Variants in ADAMTS13 observed in about 807,000 individuals in gnomAD.
ADAMTS13 encodes A disintegrin and metalloproteinase with thrombospondin motifs 13.
In ADAMTS13, 110 loss-of-function variants were observed where a neutral mutation model predicts 155.1. That is an observed-to-expected ratio of 0.71 (90% confidence interval 0.61 to 0.83). ADAMTS13 has a LOEUF of 0.83. Among genes scored for constraint, ADAMTS13 ranks in the 40% least tolerant of loss-of-function variants. The pLI is 0.00. For synonymous variants in ADAMTS13, 758 were observed against 756.4 expected (o/e 1.00, Z -0.03); for missense variants, 1,707 against 1,891.7 (o/e 0.90, Z 1.81).
At chr9:133,422,162 G>T (rs1043037378), upstream of ADAMTS13, 95 of 537,900 alleles carry the variant, frequency 1.8e-4, no homozygotes, top group African/African-American at 1.6e-3. Flanking sequence ...CTCTAAGGGG[G>T]TGGGCGTGCA....
At chr9:133,416,061 C>T (rs1266401376) in intron 1 of ADAMTS13, among the ~76,000 whole-genome samples, 5 of 152,122 alleles carry the variant, frequency 3.3e-5, no homozygotes, top group African/African-American at 4.8e-5. Context: ...AAAGAAAAAA[C>T]GTTTATGTAG....
intron 21 of ADAMTS13, among the ~76,000 whole-genome samples, chr9:133,447,868 A>G (rs755430902): frequency 1.6e-4 from 25 of 152,232 alleles, no homozygotes; most frequent in Non-Finnish European, 3.4e-4. Flanking sequence ...TGCTGGGATT[A>G]CAGGCATGAG....
chr9:133,455,845 A>T, intron 25 of ADAMTS13: 1 of 761,678 alleles, frequency 1.3e-6, no homozygotes, highest in Non-Finnish European at 2.2e-6. Flanking sequence ...GCTGCTCTGC[A>T]TGTGCCCCCT....
intron 23 of ADAMTS13, among the ~76,000 whole-genome samples, chr9:133,453,464 G>A (rs1842562940): frequency 6.6e-6 from 1 of 151,966 alleles, no homozygotes; most frequent in Non-Finnish European, 1.5e-5. Flanking sequence ...TGGGCGATGA[G>A]TGAGACTCCA....
intron 23 of ADAMTS13, among the ~76,000 whole-genome samples, chr9:133,452,106 G>GT (rs1173292580): frequency 6.9e-6 from 1 of 145,846 alleles, no homozygotes; most frequent in South Asian, 2.3e-4. Flanking sequence ...TTTCTACTGG[G>GT]TTTTTTTCTT....
Position 133,424,193 on chromosome 9 carries a change from T to C in ADAMTS13, c.173-128T>C, listed in dbSNP as rs1840124451. 1 of 1,443,184 alleles carries C rather than the reference T, an allele frequency of 6.9e-7. No individual in the cohort carries two copies. The highest frequency in any genetic ancestry group is 1.4e-5 in the African/African-American group (1 of 71,820). 89.4% of individuals were successfully genotyped at this position (1,443,184 alleles called of 1,614,324 possible). ...CACTAATGGGGTCTGGCTCTTGGGG[T>C]GGGGGTGACACGCAATGTCTTGACT... On this transcript the variant is annotated intron_variant, in intron 2 of 28. Coordinates refer to ENST00000355699, the MANE Select transcript of ADAMTS13 (RefSeq NM_139027.6). The surrounding 1 kb of genome is among the most constrained non-coding windows in gnomAD (Gnocchi z 4.3).
rs1222502734 is a variant in ADAMTS13 at position 133,441,609 on chromosome 9, TC to T, written c.1969-789del. Among the ~76,000 whole-genome samples the T allele has an allele frequency of 6.6e-6, 1 of 152,142 alleles. No individual in the cohort carries two copies. Among genetic ancestry groups the T allele is most frequent in the Non-Finnish European group, 1.5e-5 (1 of 68,026 alleles). ...GCTCTGGCCTCCAGGCTGGCCTCTT[TC>T]TTGGGCTGGTCTTGGGCACAGGACC... On this transcript the variant is annotated intron_variant, in intron 16 of 28. Transcript: ENST00000355699. The surrounding 1 kb of genome is among the most constrained non-coding windows in gnomAD (Gnocchi z 5.0).
chr9:133,430,722 T>C (rs1211725637), intron 8 of ADAMTS13, among the ~76,000 whole-genome samples: 5 of 145,242 alleles, frequency 3.4e-5, no homozygotes, highest in African/African-American at 1.3e-4. Flanking sequence ...AGACAGAGTC[T>C]CCCTCTCTGC....
At chr9:133,446,707 G>A (rs1842088166) in intron 21 of ADAMTS13, among the ~76,000 whole-genome samples, 1 of 152,176 alleles carries the variant, frequency 6.6e-6, no homozygotes, top group Non-Finnish European at 1.5e-5. Context: ...TGTGGTAGCT[G>A]GGTAAGATGA....
chr9:133,426,112 T>A (rs1840263397), intron 5 of ADAMTS13, 50 bp downstream of exon 5: 2 of 1,613,944 alleles, frequency 1.2e-6, no homozygotes, highest in East Asian at 4.5e-5. Flanking sequence ...GGAAGGCTGC[T>A]CCCTCAGCCT....
At chr9:133,427,609 G>A (rs1403482300) in intron 6 of ADAMTS13, among the ~76,000 whole-genome samples, 1 of 152,174 alleles carries the variant, frequency 6.6e-6, no homozygotes, top group Non-Finnish European at 1.5e-5. Flanking sequence ...CTTAGCCTGG[G>A]AGGGTTCTTG....
At chr9:133,420,953 G>A (rs1839928021), upstream of ADAMTS13, among the ~76,000 whole-genome samples, 1 of 152,234 alleles carries the variant, frequency 6.6e-6, no homozygotes, top group African/African-American at 2.4e-5. Context: ...TCAAGGGAAG[G>A]TTGTTGATTG....
In ADAMTS13 at chr9:133,435,691, G is replaced by A. The variant is rs587732335; in HGVS notation, c.1309-1138G>A. 9.9e-4 allele frequency among the ~76,000 whole-genome samples: 137 copies of A among 138,018 alleles called. 3 individuals are homozygous for A. The East Asian group carries it at 0.023, about 23-fold the overall frequency. 90.5% of individuals were successfully genotyped at this position (138,018 alleles called of 152,430 possible). A position where few individuals can be genotyped will look rare whatever the true frequency, so the allele number is the denominator to read the frequency against. ...ACTACAGACGCCCGCCACCACGCCCGGCTAATTTTTTTTTGTATTTTTAGT... is the reference window on the plus strand; with the variant it reads ...ACTACAGACGCCCGCCACCACGCCCAGCTAATTTTTTTTTGTATTTTTAGT... On this transcript the variant is annotated intron_variant, in intron 11 of 28. Coordinates refer to ENST00000355699, the MANE Select transcript of ADAMTS13 (RefSeq NM_139027.6).
At chr9:133,429,164 T>G (rs1588157830) in intron 7 of ADAMTS13, among the ~76,000 whole-genome samples, 2 of 3,692 alleles carry the variant, frequency 5.4e-4, no homozygotes, top group Non-Finnish European at 5.7e-4. Context: ...TCCCAACCCC[T>G]GCACCCACCC....
rs587631372 is a variant in ADAMTS13 at position 133,456,486 on chromosome 9, C to T, written c.3548-57C>T. 1,251 of 1,594,706 alleles carry T rather than the reference C, an allele frequency of 7.8e-4. 23 individuals are homozygous for T. In the South Asian group the frequency reaches 0.013, roughly 17 times the overall value. On this transcript the variant is annotated intron_variant, in intron 26 of 28. Transcript: ENST00000355699. This position sits in a 1 kb window ranked among gnomAD's most constrained non-coding sequence, Gnocchi z 4.4. ...CTCGGCTCAGTCTACCCTGGAGCCA[C>T]TCCTCTGCTGACCAGGCGTGGGAGT...
Position 133,422,516 on chromosome 9 carries a change from C to T in ADAMTS13, c.73C>T (p.Leu25=). 1 of 1,614,148 alleles carries T rather than the reference C, an allele frequency of 6.2e-7. No individual in the cohort carries two copies. Among genetic ancestry groups the T allele is most frequent in the Non-Finnish European group, 8.5e-7 (1 of 1,180,032 alleles). The change falls in exon 1 of 29, where the codon CTG becomes TTG. Residue 25 remains leucine (L), a synonymous_variant. Coordinates refer to ENST00000355699, the MANE Select transcript of ADAMTS13 (RefSeq NM_139027.6). ...CGGAATCCTTGCCTGTGGCTTTCTC[C>T]TGGGCTGCTGGGGACCCTCCCATTT... The part of the protein sequence containing the change: ...VAGILACGFL[L]GCWGPSHFQQ...
At chr9:133,452,084 C>T (rs1554794504) in intron 23 of ADAMTS13, among the ~76,000 whole-genome samples, 1 of 150,390 alleles carries the variant, frequency 6.6e-6, no homozygotes, top group African/African-American at 2.4e-5. Flanking sequence ...GTGTTAGAAT[C>T]TATGTCTGGG....
intron 11 of ADAMTS13, among the ~76,000 whole-genome samples, chr9:133,434,988 T>G (rs1554788539): frequency 3.3e-5 from 5 of 152,200 alleles, no homozygotes; most frequent in Non-Finnish European, 7.3e-5. Flanking sequence ...CTGAATCATA[T>G]TCCACTGCAG....
chr9:133,436,829 G>A lies in ADAMTS13; in HGVS notation c.1309G>A (p.Ala437Thr). ...DLQAEMCNTQACEKTQLEFMS... is the reference protein window; with the variant it reads ...DLQAEMCNTQTCEKTQLEFMS... ...CCCTCCTCTGCCTCCTCCTGGCCAG[G>A]CCTGCGAGAAGACCCAGCTGGAGTT... Residue 437 changes from alanine to threonine, a missense_variant and splice_region_variant, in exon 12 of 29, where the codon GCC becomes ACC. Ala to Thr is a moderately conservative substitution (Grantham distance 58). Coordinates refer to ENST00000355699, the MANE Select transcript of ADAMTS13 (RefSeq NM_139027.6). The A allele has an allele frequency of 6.4e-7, 1 of 1,572,268 alleles. No individual in the cohort carries two copies. The highest frequency in any genetic ancestry group is 8.6e-7 in the Non-Finnish European group (1 of 1,160,156).
Sources: gnomAD v4.1 joint callset for allele counts (sites outside exome capture counted in the v4.1 genomes callset) on GRCh38, gnomAD v4.1.1 for gene constraint, Gnocchi (gnomAD v3.1) non-coding constraint, MANE v1.5 for transcripts, NCBI Gene and HGNC (gene_info 2026-07-23, HGNC 2026-07-21) for gene names.